FGF14: variants seen among roughly 807,000 people sequenced by gnomAD.
The protein encoded by FGF14 is fibroblast growth factor homologous factor 4.
A neutral mutation model predicts 25.5 loss-of-function variants in FGF14; 5 were observed. The ratio of observed to expected loss-of-function variants is 0.20; its 90% CI spans 0.10 to 0.41. FGF14 has a LOEUF of 0.41. FGF14 is among the 10% of genes least tolerant of loss of function. The probability of loss-of-function intolerance (pLI) is 1.00; values close to 1 mark genes in which losing one functional copy is unlikely to be tolerated. For synonymous variants in FGF14, 138 were observed against 118.3 expected (o/e 1.17, Z -1.08); for missense variants, 222 against 320.1 (o/e 0.69, Z 2.34).
At chr13:102,163,839 C>T (rs751510683) in intron 1 of FGF14, among the ~76,000 whole-genome samples, 3 of 151,974 alleles carry the variant, frequency 2.0e-5, no homozygotes, top group Non-Finnish European at 2.9e-5. Flanking sequence ...CTTGCCCCCC[C>T]CAGAAAACAT....
At chr13:102,229,507 T>C (rs2050982088) in intron 1 of FGF14, among the ~76,000 whole-genome samples, 2 of 152,192 alleles carry the variant, frequency 1.3e-5, no homozygotes, top group Non-Finnish European at 1.5e-5. Flanking sequence ...CTGGTAAGGG[T>C]AGGTATAAAA....
intron 1 of FGF14, among the ~76,000 whole-genome samples, chr13:102,333,552 G>A (rs554556113): frequency 4.7e-4 from 72 of 152,164 alleles, no homozygotes; most frequent in Non-Finnish European, 6.6e-4. Flanking sequence ...CTGGGCTTTC[G>A]GTAAAGTAGG....
At chr13:102,242,384 G>T (rs913677214) in intron 1 of FGF14, among the ~76,000 whole-genome samples, 11 of 152,032 alleles carry the variant, frequency 7.2e-5, no homozygotes, top group African/African-American at 2.2e-4. Flanking sequence ...AATTTATAAT[G>T]AACAGAAATT....
chr13:101,733,810 T>C (rs1373697495), intron 3 of FGF14, among the ~76,000 whole-genome samples: 1 of 151,758 alleles, frequency 6.6e-6, no homozygotes, highest in Non-Finnish European at 1.5e-5. Context: ...CATTTAGAGA[T>C]TAACACATCA....
intron 4 of FGF14, among the ~76,000 whole-genome samples, chr13:101,725,356 TA>T (rs2035342692): frequency 6.6e-6 from 1 of 152,038 alleles, no homozygotes; most frequent in Non-Finnish European, 1.5e-5. Context: ...ATACTGAGAA[TA>T]ATTCACTCAT....
intron 1 of FGF14, among the ~76,000 whole-genome samples, chr13:102,124,538 A>ATTAAAATTAAAG (rs1236859302): frequency 6.6e-6 from 1 of 152,106 alleles, no homozygotes; most frequent in African/African-American, 2.4e-5. Flanking sequence ...TAAAGATTTA[A>ATTAAAATTAAAG]ACAAAAGGAA....
chr13:102,024,037 TTTCAG>T (rs2040803800), intron 1 of FGF14, among the ~76,000 whole-genome samples: 1 of 152,060 alleles, frequency 6.6e-6, no homozygotes, highest in African/African-American at 2.4e-5. Context: ...TTAATGAACA[TTTCAG>T]TTGTCTCCAC....
At chr13:101,797,973 T>C (rs2040649069) in intron 3 of FGF14, among the ~76,000 whole-genome samples, 2 of 152,134 alleles carry the variant, frequency 1.3e-5, no homozygotes, top group African/African-American at 2.4e-5. Context: ...TATTTATCAG[T>C]AAATGGTAAG....
intron 1 of FGF14, among the ~76,000 whole-genome samples, chr13:102,271,969 T>C (rs1289885538): frequency 6.6e-6 from 1 of 152,148 alleles, no homozygotes; most frequent in Non-Finnish European, 1.5e-5. Flanking sequence ...AAGAATCTTT[T>C]TGAAACATAC....
chr13:101,756,046 A>T (rs1006100823), intron 3 of FGF14, among the ~76,000 whole-genome samples: 6 of 152,202 alleles, frequency 3.9e-5, no homozygotes, highest in Non-Finnish European at 8.8e-5. Context: ...TGCCATTGTT[A>T]CAGATACTAT....
At chr13:102,163,840 C>G (rs570171605) in intron 1 of FGF14, among the ~76,000 whole-genome samples, 3 of 152,028 alleles carry the variant, frequency 2.0e-5, no homozygotes, top group Non-Finnish European at 2.9e-5. Flanking sequence ...TTGCCCCCCC[C>G]AGAAAACATT....
At chr13:102,256,879 T>G (rs898570844) in intron 1 of FGF14, among the ~76,000 whole-genome samples, 1 of 152,214 alleles carries the variant, frequency 6.6e-6, no homozygotes, top group African/African-American at 2.4e-5. Context: ...CTAAGTAGTT[T>G]GAGTTAAAAT....
At chr13:101,859,469 G>C (rs1198739848) in intron 3 of FGF14, among the ~76,000 whole-genome samples, 1 of 151,946 alleles carries the variant, frequency 6.6e-6, no homozygotes, top group Admixed American at 6.6e-5. Context: ...CGCACATGTT[G>C]TACAATAGCT....
At chr13:101,886,388 C>T (rs998965850) in intron 1 of FGF14, among the ~76,000 whole-genome samples, 1 of 152,104 alleles carries the variant, frequency 6.6e-6, no homozygotes, top group African/African-American at 2.4e-5. Flanking sequence ...AATGAATCCA[C>T]ACATTTTTGT....
intron 1 of FGF14, among the ~76,000 whole-genome samples, chr13:102,314,828 G>T (rs1340519899): frequency 1.3e-5 from 2 of 151,808 alleles, no homozygotes; most frequent in Admixed American, 1.3e-4. Flanking sequence ...CTGCCAGAAG[G>T]GTTTGGTATT....
intron 1 of FGF14, among the ~76,000 whole-genome samples, chr13:102,193,245 G>T (rs2049200246): frequency 6.6e-6 from 1 of 152,090 alleles, no homozygotes; most frequent in South Asian, 2.1e-4. Flanking sequence ...CCTTCTCTCT[G>T]TGCTCTGCCA....
chr13:102,003,286 C>T (rs2039598140), intron 1 of FGF14: 1 of 152,150 alleles, frequency 6.6e-6, no homozygotes, highest in South Asian at 2.1e-4. Context: ...AAATTGAATA[C>T]TCCCTGTGAA....
chr13:101,714,836 T>C lies in FGF14; in HGVS notation c.*7995A>G, dbSNP rs1408990948. The C allele has an allele frequency of 1.1e-5, 4 of 378,374 alleles. No individual in the cohort carries two copies. The highest frequency in any genetic ancestry group is 4.9e-5 in the East Asian group (1 of 20,466). The allele number at this position is 378,374 out of a possible 1,614,324, so 23.4% of individuals were successfully genotyped here. ...AAACTCACATGTATGCAGTTGTATA[T>C]TGAACACAGAAAAGAATTTTGTTGG... On this transcript the variant is annotated 3_prime_UTR_variant, in exon 5 of 5. Coordinates refer to ENST00000376143, the MANE Select transcript of FGF14 (RefSeq NM_004115.4).
intron 1 of FGF14, among the ~76,000 whole-genome samples, chr13:102,378,496 A>G (rs151022809): frequency 1.0e-3 from 155 of 152,282 alleles, no homozygotes; most frequent in African/African-American, 3.6e-3. Context: ...CAGAGAACGA[A>G]GGAAAGAAAC....
Sources: allele counts gnomAD v4.1 joint callset (sites outside exome capture counted in the v4.1 genomes callset), GRCh38; gene constraint gnomAD v4.1.1; transcripts MANE v1.5; gene names NCBI Gene and HGNC (gene_info 2026-07-23, HGNC 2026-07-21).